CTNNA3: variants seen among roughly 807,000 people sequenced by gnomAD.
The protein encoded by CTNNA3 is catenin alpha-3.
A neutral mutation model predicts 95.7 loss-of-function variants in CTNNA3; 76 were observed. The observed-to-expected ratio is 0.79, with a 90% CI of 0.66 to 0.96. The LOEUF (loss-of-function observed/expected upper bound fraction) is 0.96. Among genes scored for constraint, CTNNA3 ranks in the 40% least tolerant of loss-of-function variants. The probability of loss-of-function intolerance (pLI) is 0.00; values close to 1 mark genes in which losing one functional copy is unlikely to be tolerated. For missense variants in CTNNA3, 1,191 were observed against 1,089.8 expected, an observed-to-expected ratio of 1.09 and a Z score of -1.31; for synonymous variants, 431 against 374.4, an observed-to-expected ratio of 1.15 and a Z score of -1.74.
chr10:66,171,656 A>T (rs1046771432), intron 13 of CTNNA3, among the ~76,000 whole-genome samples: 1 of 151,998 alleles, frequency 6.6e-6, no homozygotes, highest in Non-Finnish European at 1.5e-5. Flanking sequence ...TTCTAGAAAA[A>T]CTGTTGTTTG....
In CTNNA3 at chr10:66,021,852, C is replaced by CTTTTTTTTTTTTTTTTTTTTTTTTTTTT. The variant is rs34671813; in HGVS notation, c.2160-33056_2160-33055insAAAAAAAAAAAAAAAAAAAAAAAAAAAA. Among the ~76,000 whole-genome samples, 46 of 75,932 alleles carry CTTTTTTTTTTTTTTTTTTTTTTTTTTTT rather than the reference C, an allele frequency of 6.1e-4. 9 individuals are homozygous for CTTTTTTTTTTTTTTTTTTTTTTTTTTTT. Among genetic ancestry groups the CTTTTTTTTTTTTTTTTTTTTTTTTTTTT allele is most frequent in the Admixed American group, 1.0e-3 (6 of 5,792 alleles). 49.8% of individuals were successfully genotyped at this position (75,932 alleles called of 152,430 possible). A position where few individuals can be genotyped will look rare whatever the true frequency, so the allele number is the denominator to read the frequency against. On this transcript the variant is annotated intron_variant, in intron 15 of 17. Transcript: ENST00000433211. ...GGAAATTCCATATACAGGATCTTGG[C>CTTTTTTTTTTTTTTTTTTTTTTTTTTTT]TTTTTTTTTTTTTTTTAGATAGATA...
intron 7 of CTNNA3, among the ~76,000 whole-genome samples, chr10:66,865,223 T>C (rs1338693150): frequency 6.6e-6 from 1 of 151,674 alleles, no homozygotes; most frequent in African/African-American, 2.4e-5. Flanking sequence ...CGTGTGTGTG[T>C]GTGTGTGTGT....
At chr10:66,242,520 G>A (rs2090152286) in intron 13 of CTNNA3, among the ~76,000 whole-genome samples, 1 of 152,042 alleles carries the variant, frequency 6.6e-6, no homozygotes, top group Non-Finnish European at 1.5e-5. Flanking sequence ...AAAAAAATAA[G>A]CAATGAAAAA....
At chr10:66,605,464 A>G (rs1485617292) in intron 10 of CTNNA3, among the ~76,000 whole-genome samples, 2 of 152,152 alleles carry the variant, frequency 1.3e-5, no homozygotes, top group African/African-American at 4.8e-5. Context: ...GAAGAACCCC[A>G]GTAAGATACT....
intron 3 of CTNNA3, among the ~76,000 whole-genome samples, chr10:67,576,454 A>T (rs181530427): frequency 6.6e-6 from 1 of 152,202 alleles, no homozygotes; most frequent in East Asian, 1.9e-4. Flanking sequence ...GTTGTATAAA[A>T]TCTAAAGTTT....
rs116272137 is a variant in CTNNA3 at position 66,806,042 on chromosome 10, G to A, written c.1048-30518C>T. Among the ~76,000 whole-genome samples the A allele has an allele frequency of 1.6e-3, 249 of 151,974 alleles. 1 individual carries two copies. The highest frequency in any genetic ancestry group is 5.6e-3 in the African/African-American group (232 of 41,470). ...TGAACTATTTCAAAGCAATAAAATG[G>A]AAAATTAGTTGGGAAAAAGGTCATT... On this transcript the variant is annotated intron_variant, in intron 7 of 17. Coordinates refer to ENST00000433211, the MANE Select transcript of CTNNA3 (RefSeq NM_013266.4).
At chr10:66,901,964 A>T (rs1378378663) in intron 7 of CTNNA3, among the ~76,000 whole-genome samples, 1 of 152,202 alleles carries the variant, frequency 6.6e-6, no homozygotes, top group Non-Finnish European at 1.5e-5. Flanking sequence ...TATTAGACAG[A>T]TCAATGAGAC....
At chr10:65,984,810 G>T (rs1233841405) in intron 16 of CTNNA3, among the ~76,000 whole-genome samples, 1 of 151,206 alleles carries the variant, frequency 6.6e-6, no homozygotes, top group Non-Finnish European at 1.5e-5. Flanking sequence ...GTAAATATGT[G>T]TCATGTACTA....
intron 15 of CTNNA3, among the ~76,000 whole-genome samples, chr10:65,990,343 T>A (rs1450459652): frequency 6.6e-6 from 1 of 151,498 alleles, no homozygotes; most frequent in South Asian, 2.1e-4. Context: ...TACATTCTCA[T>A]CAACAGTGTA....
At chr10:66,531,206 T>C (rs1332810382) in intron 10 of CTNNA3, among the ~76,000 whole-genome samples, 13 of 152,296 alleles carry the variant, frequency 8.5e-5, no homozygotes, top group East Asian at 3.9e-4. Flanking sequence ...GTAGGGTTTG[T>C]AGACTAATAA....
intron 15 of CTNNA3, among the ~76,000 whole-genome samples, chr10:66,027,084 T>C (rs555062837): frequency 6.6e-6 from 1 of 152,266 alleles, no homozygotes; most frequent in African/African-American, 2.4e-5. Flanking sequence ...TGTGGTTTTA[T>C]TTCATAAGGT....
At chr10:66,330,451 A>G (rs536294518) in intron 12 of CTNNA3, among the ~76,000 whole-genome samples, 1 of 133,974 alleles carries the variant, frequency 7.5e-6, no homozygotes, top group East Asian at 1.9e-4. Flanking sequence ...TGCCACATTT[A>G]TCTTAATCCA....
At chr10:67,154,644 A>G (rs1451007971) in intron 7 of CTNNA3, among the ~76,000 whole-genome samples, 2 of 152,182 alleles carry the variant, frequency 1.3e-5, no homozygotes, top group African/African-American at 2.4e-5. Flanking sequence ...AACCCGCTAC[A>G]CGGCTTTTGC....
intron 10 of CTNNA3, among the ~76,000 whole-genome samples, chr10:66,615,429 C>A (rs1272994157): frequency 6.6e-6 from 1 of 151,758 alleles, no homozygotes; most frequent in Non-Finnish European, 1.5e-5. Context: ...ACTTTCTGGA[C>A]TTTTCAGGCC....
In CTNNA3 at chr10:67,750,600, A is replaced by G. The variant is rs1405423446; in HGVS notation, c.-2+12834T>C. 9.6e-6 allele frequency: 15 copies of G among 1,558,084 alleles called. No homozygotes were observed. In the East Asian group the frequency reaches 3.4e-4, roughly 35 times the overall value. On this transcript the variant is annotated intron_variant, in intron 1 of 17. Coordinates refer to the CTNNA3 transcript ENST00000684154. The stretch of plus-strand genomic sequence containing the variant: ...AAGGATCTGAAGCTGAGTTATCTGG[A>G]TGTCTATCTTATTCACTAGCACAGG...
chr10:66,693,822 C>A (rs916632011), intron 9 of CTNNA3, among the ~76,000 whole-genome samples: 1 of 152,148 alleles, frequency 6.6e-6, no homozygotes, highest in Non-Finnish European at 1.5e-5. Context: ...CAAAACCACT[C>A]AACTACATGG....
chr10:66,475,325 CAT>C (rs1259171527), intron 11 of CTNNA3, among the ~76,000 whole-genome samples: 1 of 151,822 alleles, frequency 6.6e-6, no homozygotes, highest in Non-Finnish European at 1.5e-5. Context: ...TAGTAGAAAA[CAT>C]AGGGGAAATG....
intron 1 of CTNNA3, among the ~76,000 whole-genome samples, chr10:67,662,511 CAT>C (rs1036329350): frequency 1.3e-5 from 2 of 152,184 alleles, no homozygotes; most frequent in African/African-American, 4.8e-5. Context: ...AATACCATCA[CAT>C]GTTATGCAAG....
intron 13 of CTNNA3, among the ~76,000 whole-genome samples, chr10:66,132,688 T>C (rs998881247): frequency 1.3e-5 from 2 of 152,150 alleles, no homozygotes; most frequent in African/African-American, 4.8e-5. Context: ...GAAAATGCAG[T>C]ACATATACAC....
Sources: allele counts gnomAD v4.1 joint callset (sites outside exome capture counted in the v4.1 genomes callset), GRCh38; gene constraint gnomAD v4.1.1; transcripts MANE v1.5; gene names NCBI Gene and HGNC (gene_info 2026-07-23, HGNC 2026-07-21).